GALNTL6: variants seen among roughly 807,000 people sequenced by gnomAD.
GALNTL6 encodes the protein polypeptide N-acetylgalactosaminyltransferase-like 6.
GALNTL6 carries 46 observed loss-of-function variants against 73.7 expected under a neutral mutation model. The observed-to-expected ratio is 0.62, with a 90% confidence interval of 0.49 to 0.80. The LOEUF (loss-of-function observed/expected upper bound fraction) is 0.80. Ranked by LOEUF, GALNTL6 falls within the 30% of genes least tolerant of loss-of-function variation. GALNTL6 has a pLI of 0.00. For synonymous variants in GALNTL6, 259 were observed against 263.7 expected (o/e 0.98, Z 0.17); for missense variants, 604 against 755.0 (o/e 0.80, Z 2.34).
intron 2 of GALNTL6, among the ~76,000 whole-genome samples, chr4:172,014,497 C>T (rs1354232073): frequency 1.3e-5 from 2 of 151,882 alleles, no homozygotes; most frequent in African/African-American, 4.8e-5. Context: ...TTTTCATATA[C>T]CTGTTTGCCA....
intron 5 of GALNTL6, among the ~76,000 whole-genome samples, chr4:172,388,762 C>T (rs1034421099): frequency 6.6e-6 from 1 of 151,992 alleles, no homozygotes; most frequent in Non-Finnish European, 1.5e-5. Context: ...GAGGAAATAA[C>T]TTGCCTCCTA....
chr4:172,805,282 A>C (rs1487697589), intron 5 of GALNTL6, among the ~76,000 whole-genome samples: 1 of 152,214 alleles, frequency 6.6e-6, no homozygotes, highest in Non-Finnish European at 1.5e-5. Flanking sequence ...TTCACTAATG[A>C]ATGGTTATTC....
At chr4:172,845,242 A>G (rs75872369) in intron 7 of GALNTL6, among the ~76,000 whole-genome samples, 2 of 151,892 alleles carry the variant, frequency 1.3e-5, no homozygotes, top group Non-Finnish European at 2.9e-5. Context: ...AAAGAAAAAG[A>G]AAAAGAAAAC....
At chr4:172,926,780 A>G (rs1316838555) in intron 8 of GALNTL6, among the ~76,000 whole-genome samples, 1 of 152,086 alleles carries the variant, frequency 6.6e-6, no homozygotes, top group Non-Finnish European at 1.5e-5. Context: ...CCTCCCTCCC[A>G]TTTCCCACCC....
intron 7 of GALNTL6, among the ~76,000 whole-genome samples, chr4:172,830,031 T>C (rs1742536073): frequency 6.6e-6 from 1 of 152,182 alleles, no homozygotes; most frequent in Admixed American, 6.5e-5. Context: ...ACCGAAAGCC[T>C]ATTTTTCTCA....
At chr4:172,564,704 A>G (rs2110933915) in intron 5 of GALNTL6, among the ~76,000 whole-genome samples, 1 of 152,322 alleles carries the variant, frequency 6.6e-6, no homozygotes, top group African/African-American at 2.4e-5. Context: ...AACTAATTGC[A>G]TAGGAGAACA....
intron 5 of GALNTL6, among the ~76,000 whole-genome samples, chr4:172,403,964 C>T (rs1047500241): frequency 2.6e-5 from 4 of 151,946 alleles, no homozygotes; most frequent in East Asian, 3.8e-4. Context: ...AAACTCATTA[C>T]TCCATTGAAA....
At chr4:172,797,113 C>A (rs1740315642) in intron 5 of GALNTL6, among the ~76,000 whole-genome samples, 1 of 152,116 alleles carries the variant, frequency 6.6e-6, no homozygotes, top group Non-Finnish European at 1.5e-5. Flanking sequence ...AATAATACGG[C>A]CATTAGCATG....
chr4:171,914,357 C>T (rs546047263), intron 2 of GALNTL6, among the ~76,000 whole-genome samples: 2 of 151,582 alleles, frequency 1.3e-5, no homozygotes, highest in East Asian at 3.9e-4. Flanking sequence ...AAAAACAAAA[C>T]CAACTTCAGT....
chr4:172,376,295 G>A (rs1453995080), intron 5 of GALNTL6, among the ~76,000 whole-genome samples: 1 of 152,192 alleles, frequency 6.6e-6, no homozygotes, highest in Non-Finnish European at 1.5e-5. Context: ...GCAGGCATTA[G>A]GACCCAGGAG....
At chr4:172,474,567 T>A (rs1335697617) in intron 5 of GALNTL6, among the ~76,000 whole-genome samples, 2 of 152,162 alleles carry the variant, frequency 1.3e-5, no homozygotes, top group Admixed American at 6.5e-5. Flanking sequence ...CACTATACAT[T>A]GGCACTGTGG....
intron 5 of GALNTL6, among the ~76,000 whole-genome samples, chr4:172,551,466 A>C (rs1013894371): frequency 6.6e-6 from 1 of 152,042 alleles, no homozygotes; most frequent in African/African-American, 2.4e-5. Flanking sequence ...AATATAAATA[A>C]ATTTTAAAAT....
chr4:172,283,989 A>T (rs1034699486), intron 3 of GALNTL6, among the ~76,000 whole-genome samples: 1 of 152,162 alleles, frequency 6.6e-6, no homozygotes, highest in African/African-American at 2.4e-5. Flanking sequence ...TTTAGTTCTT[A>T]CCAGCCCCTT....
At chr4:172,593,529 A>G (rs1269626948) in intron 5 of GALNTL6, among the ~76,000 whole-genome samples, 2 of 152,154 alleles carry the variant, frequency 1.3e-5, no homozygotes, top group Admixed American at 6.5e-5. Flanking sequence ...CGACCACTCT[A>G]TTGGTGGCCA....
intron 2 of GALNTL6, among the ~76,000 whole-genome samples, chr4:171,895,293 T>G (rs973378298): frequency 2.6e-5 from 4 of 152,164 alleles, no homozygotes; most frequent in African/African-American, 9.7e-5. Flanking sequence ...TTAGCAGTCA[T>G]AGATGAGCAG....
intron 2 of GALNTL6, among the ~76,000 whole-genome samples, chr4:172,204,573 A>G (rs1029425452): frequency 1.3e-5 from 2 of 152,310 alleles, no homozygotes; most frequent in South Asian, 4.1e-4. Context: ...AATATTGTGT[A>G]TTCTATAATT....
At chr4:172,608,719 T>G (rs1373649016) in intron 5 of GALNTL6, among the ~76,000 whole-genome samples, 1 of 152,188 alleles carries the variant, frequency 6.6e-6, no homozygotes, top group African/African-American at 2.4e-5. Flanking sequence ...AATTGGTAGA[T>G]TGCTTTGGGC....
At chr4:172,397,196 G>C (rs1389026779) in intron 5 of GALNTL6, among the ~76,000 whole-genome samples, 2 of 152,076 alleles carry the variant, frequency 1.3e-5, no homozygotes. Flanking sequence ...AACTGTTTTA[G>C]GAGTCTTCAT....
chr4:172,424,010 T>C (rs35479888), intron 5 of GALNTL6, among the ~76,000 whole-genome samples: 21,301 of 151,964 alleles, frequency 0.14, 1,639 homozygotes, highest in Non-Finnish European at 0.19. Flanking sequence ...AAACTATACA[T>C]ATTTAATGTA....
Sources: gnomAD v4.1 joint callset for allele counts (sites outside exome capture counted in the v4.1 genomes callset) on GRCh38, gnomAD v4.1.1 for gene constraint, MANE v1.5 for transcripts, NCBI Gene and HGNC (gene_info 2026-07-23, HGNC 2026-07-21) for gene names.